Variants in SLC16A1 observed in about 807,000 individuals in gnomAD.
SLC16A1 encodes the protein solute carrier family 16 member 1, also known as monocarboxylate transporter 1.
A neutral mutation model predicts 32.2 loss-of-function variants in SLC16A1; 11 were observed. The observed-to-expected ratio is 0.34, with a 90% CI of 0.21 to 0.56. The LOEUF (loss-of-function observed/expected upper bound fraction) is 0.56, where lower values mean the gene tolerates loss of function less well. Ranked by LOEUF, SLC16A1 falls within the 20% of genes least tolerant of loss-of-function variation. SLC16A1 has a pLI of 0.87. For missense variants in SLC16A1, 435 were observed against 615.0 expected, an observed-to-expected ratio of 0.71 and a Z score of 3.10; for synonymous variants, 231 against 226.8, an observed-to-expected ratio of 1.02 and a Z score of -0.17.
At chr1:112,941,328 C>T (rs992866787) in intron 1 of SLC16A1, among the ~76,000 whole-genome samples, 3 of 139,490 alleles carry the variant, frequency 2.2e-5, no homozygotes, top group African/African-American at 8.2e-5. Context: ...GCTGCCCAGG[C>T]TGGAGTGCGA....
intron 3 of SLC16A1, among the ~76,000 whole-genome samples, chr1:112,921,761 T>G (rs1012821130): frequency 6.6e-6 from 1 of 152,242 alleles, no homozygotes; most frequent in Non-Finnish European, 1.5e-5. Flanking sequence ...AATGCAATCA[T>G]TCTTTCAATT....
chr1:112,946,750 G>A (rs565323530), intron 1 of SLC16A1, among the ~76,000 whole-genome samples: 11 of 152,184 alleles, frequency 7.2e-5, no homozygotes, highest in East Asian at 3.9e-4. Context: ...AAGGGGTTTC[G>A]CCATGTTGGT....
chr1:112,938,426 T>C (rs575649645), intron 1 of SLC16A1, among the ~76,000 whole-genome samples: 2 of 152,084 alleles, frequency 1.3e-5, no homozygotes, highest in Admixed American at 6.6e-5. Flanking sequence ...ACTTTGAAAC[T>C]GAATACATTG....
chr1:112,924,180 C>A, intron 2 of SLC16A1: 1 of 1,500,804 alleles, frequency 6.7e-7, no homozygotes, highest in Non-Finnish European at 9.3e-7. Flanking sequence ...CTCACAGCTG[C>A]AGGGTGCCCA....
At chr1:112,943,140 TG>T (rs1649567356) in intron 1 of SLC16A1, among the ~76,000 whole-genome samples, 1 of 152,134 alleles carries the variant, frequency 6.6e-6, no homozygotes, top group Non-Finnish European at 1.5e-5. Flanking sequence ...AAGAAAGGTG[TG>T]GGGGTATAAA....
In SLC16A1 at chr1:112,914,144, C is replaced by G. The variant is rs746931470; in HGVS notation, c.1250G>C (p.Gly417Ala). 6.2e-7 allele frequency: 1 copy of G among 1,614,130 alleles called. No individual in the cohort carries two copies. The highest frequency in any genetic ancestry group is 1.7e-5 in the Admixed American group (1 of 60,006). Residue 417 changes from glycine to alanine, a missense_variant, in exon 5 of 5, where the codon GGA (glycine) becomes GCA (alanine). Physicochemically the swap from Gly to Ala is moderately conservative, Grantham distance 60. Transcript: ENST00000369626. ...PLLGRLNDMY[G>A]DYKYTYWACG... is the part of the protein sequence containing the mutation. ...TGCCCAGTATGTGTATTTGTAGTCT[C>G]CATACATGTCATTGAGCCGACCTAA...
rs774823539 is a variant in SLC16A1, at chr1:112,917,423, C to T, written c.983G>A (p.Arg328Gln). ...LVANTKPIRP[R>Q]IQYFFAASVV... ...GGAAGCCGCAAAGAAATACTGAATT[C>T]GAGGTCTTATTGGCTTTGTGTTGGC... is the stretch of plus-strand genomic sequence containing the variant. The change falls in exon 4 of 5, where the codon CGA becomes CAA. Residue 328 changes from arginine (R) to glutamine (Q), a missense_variant. Coordinates refer to ENST00000369626, the MANE Select transcript of SLC16A1 (RefSeq NM_003051.4). The surrounding 1 kb of genome is among the most constrained non-coding windows in gnomAD (Gnocchi z 4.1). The T allele has an allele frequency of 1.7e-5, 28 of 1,614,162 alleles. No individual in the cohort carries two copies. The highest frequency in any genetic ancestry group is 1.0e-4 in the Admixed American group (6 of 60,016).
chr1:112,923,051 C>T (rs79422765), intron 2 of SLC16A1, among the ~76,000 whole-genome samples: 2 of 151,922 alleles, frequency 1.3e-5, no homozygotes, highest in Non-Finnish European at 2.9e-5. Context: ...ACAGGGTGGG[C>T]GTGGTGGCTC....
chr1:112,916,121 A>G (rs1648493290), intron 4 of SLC16A1, among the ~76,000 whole-genome samples: 1 of 151,930 alleles, frequency 6.6e-6, no homozygotes, highest in Admixed American at 6.6e-5. Context: ...TCTCTGGTAC[A>G]CTGTGAGCTT....
intron 1 of SLC16A1, among the ~76,000 whole-genome samples, chr1:112,947,506 C>A (rs1051701798): frequency 6.6e-6 from 1 of 152,130 alleles, no homozygotes; most frequent in African/African-American, 2.4e-5. Context: ...TTGCAAAGAG[C>A]TAAATTGAAC....
intron 1 of SLC16A1, among the ~76,000 whole-genome samples, chr1:112,938,050 C>T (rs1046903991): frequency 6.6e-6 from 1 of 152,114 alleles, no homozygotes; most frequent in Admixed American, 6.6e-5. Flanking sequence ...AAGAGAAGAG[C>T]TACAAAAGCC....
chr1:112,940,966 T>C (rs1184139057), intron 1 of SLC16A1, among the ~76,000 whole-genome samples: 2 of 152,156 alleles, frequency 1.3e-5, no homozygotes, highest in Non-Finnish European at 2.9e-5. Context: ...TTCTCACTTA[T>C]AAGTGTGAGC....
chr1:112,940,313 G>A (rs905334280), intron 1 of SLC16A1, among the ~76,000 whole-genome samples: 1 of 152,160 alleles, frequency 6.6e-6, no homozygotes, highest in African/African-American at 2.4e-5. Context: ...AAAGTGCTGG[G>A]ATTACAGGCA....
At chr1:112,936,480 CAAAAAAAAA>C (rs35673011) in intron 1 of SLC16A1, among the ~76,000 whole-genome samples, 1 of 54,894 alleles carries the variant, frequency 1.8e-5, no homozygotes, top group Non-Finnish European at 3.5e-5. Context: ...GACTCTGTCT[CAAAAAAAAA>C]AAAAAAAAAA....
chr1:112,921,093 A>G (rs185662982), intron 3 of SLC16A1, among the ~76,000 whole-genome samples: 5 of 151,412 alleles, frequency 3.3e-5, no homozygotes, highest in African/African-American at 1.2e-4. Flanking sequence ...GTGAGCTGAG[A>G]TCGCGCCACT....
At chr1:112,936,480 C>CAAAA (rs35673011) in intron 1 of SLC16A1, among the ~76,000 whole-genome samples, 3 of 54,864 alleles carry the variant, frequency 5.5e-5, no homozygotes, top group East Asian at 6.0e-4. Flanking sequence ...GACTCTGTCT[C>CAAAA]AAAAAAAAAA....
At chr1:112,953,056 C>T (rs1649952346) in intron 1 of SLC16A1, among the ~76,000 whole-genome samples, 1 of 152,090 alleles carries the variant, frequency 6.6e-6, no homozygotes, top group Non-Finnish European at 1.5e-5. Context: ...CACACCACTC[C>T]AACAGCCTCC....
In SLC16A1 at chr1:112,953,621, A is replaced by T. The variant is rs1217128239; in HGVS notation, c.-45+2414T>A. Among the ~76,000 whole-genome samples the T allele has an allele frequency of 2.6e-5, 4 of 152,108 alleles. No homozygotes were observed. The East Asian group carries it at 7.7e-4, about 29-fold the overall frequency. ...ATTTTCTCATACTGTCTATCTCTTC[A>T]ACTTCTATCTCTTCCCATTCTCTTT... On this transcript the variant is annotated intron_variant, in intron 1 of 4. Coordinates refer to ENST00000369626, the MANE Select transcript of SLC16A1 (RefSeq NM_003051.4).
intron 3 of SLC16A1, among the ~76,000 whole-genome samples, chr1:112,920,474 C>T (rs566121692): frequency 1.2e-3 from 178 of 152,186 alleles, no homozygotes; most frequent in African/African-American, 4.1e-3. Context: ...GGTGTGGTAG[C>T]GGGCGCCTGT....
Sources: gnomAD v4.1 joint callset for allele counts (sites outside exome capture counted in the v4.1 genomes callset) on GRCh38, gnomAD v4.1.1 for gene constraint, Gnocchi (gnomAD v3.1) non-coding constraint, MANE v1.5 for transcripts, NCBI Gene and HGNC (gene_info 2026-07-23, HGNC 2026-07-21) for gene names.